DIP2C: variants seen among roughly 807,000 people sequenced by gnomAD.
DIP2C encodes the protein DIP2 acetate--CoA ligase C (putative), also known as disco-interacting protein 2 homolog C.
A neutral mutation model predicts 192.4 loss-of-function variants in DIP2C; 33 were observed. The observed-to-expected ratio is 0.17, with a 90% CI of 0.13 to 0.23. The LOEUF is 0.23. Ranked by LOEUF, DIP2C falls within the 10% of genes least tolerant of loss-of-function variation. The probability of loss-of-function intolerance (pLI) is 1.00; values close to 1 mark genes in which losing one functional copy is unlikely to be tolerated. For missense variants in DIP2C, 1,537 were observed against 2,110.1 expected (o/e 0.73, Z 5.32); for synonymous variants, 979 against 864.1 (o/e 1.13, Z -2.33).
chr10:602,900 T>G (rs1349775143), intron 1 of DIP2C, among the ~76,000 whole-genome samples: 2 of 152,088 alleles, frequency 1.3e-5, no homozygotes, highest in South Asian at 2.1e-4. Flanking sequence ...TCGTCTAAGC[T>G]TCAGTCTCCC....
At chr10:609,851 G>A (rs1487589082) in intron 1 of DIP2C, among the ~76,000 whole-genome samples, 1 of 152,090 alleles carries the variant, frequency 6.6e-6, no homozygotes, top group Non-Finnish European at 1.5e-5. Flanking sequence ...AGTGCAGCCG[G>A]GTACCAATTA....
At chr10:604,015 ACCCCAC>A (rs1852288677) in intron 1 of DIP2C, among the ~76,000 whole-genome samples, 1 of 66,010 alleles carries the variant, frequency 1.5e-5, no homozygotes, top group South Asian at 5.9e-4. Flanking sequence ...CCACAACACC[ACCCCAC>A]CCCCCAGCCC....
intron 1 of DIP2C, among the ~76,000 whole-genome samples, chr10:603,513 G>T (rs1171669563): frequency 6.6e-6 from 1 of 152,042 alleles, no homozygotes; most frequent in South Asian, 2.1e-4. Context: ...AAGTATATCA[G>T]GTATACCTGG....
chr10:457,116 T>C (rs1449851803), intron 3 of DIP2C, among the ~76,000 whole-genome samples: 2 of 152,090 alleles, frequency 1.3e-5, no homozygotes, highest in Non-Finnish European at 2.9e-5. Flanking sequence ...CTAGGAGGAG[T>C]TGCTTATTTT....
intron 30 of DIP2C, 40 bp from the exon 31 acceptor site, chr10:327,216 G>A (rs1327506979): frequency 9.4e-6 from 15 of 1,593,720 alleles, no homozygotes; most frequent in Non-Finnish European, 1.3e-5. Flanking sequence ...GCCCCCACGT[G>A]TCGAGCTTGG....
rs896152535 is a variant in DIP2C at position 375,909 on chromosome 10, T to C, written c.1992-6276A>G. On this transcript the variant is annotated intron_variant, in intron 17 of 36. Transcript: ENST00000280886. ...CTTATACGGGCGATCTCCAATGTAG[T>C]ATTCCTCAGCTTAGCAACAACGGCA... 3.4e-4 allele frequency among the ~76,000 whole-genome samples: 51 copies of C among 152,104 alleles called. 1 individual carries two copies.
chr10:456,798 T>C (rs1397436279), intron 3 of DIP2C, among the ~76,000 whole-genome samples: 2 of 152,222 alleles, frequency 1.3e-5, no homozygotes, highest in African/African-American at 2.4e-5. Flanking sequence ...TTTCGTTCTT[T>C]GGTAAACTGC....
chr10:568,388 A>C (rs1389773064), intron 1 of DIP2C, among the ~76,000 whole-genome samples: 3 of 152,182 alleles, frequency 2.0e-5, no homozygotes, highest in African/African-American at 7.2e-5. Context: ...TCATAGACCC[A>C]AATGAGAGCA....
intron 6 of DIP2C, among the ~76,000 whole-genome samples, chr10:418,516 C>T (rs1965957745): frequency 6.6e-6 from 1 of 152,226 alleles, no homozygotes; most frequent in Admixed American, 6.5e-5. Flanking sequence ...GTGACACGAA[C>T]AGCCGCTGTA....
At chr10:282,879 C>A (rs563603403) in intron 35 of DIP2C, among the ~76,000 whole-genome samples, 1 of 152,386 alleles carries the variant, frequency 6.6e-6, no homozygotes, top group Admixed American at 6.5e-5. Flanking sequence ...CACGTTCCTG[C>A]AGCCACTGGG....
chr10:613,798 G>A (rs1853258050), intron 1 of DIP2C, among the ~76,000 whole-genome samples: 1 of 151,792 alleles, frequency 6.6e-6, no homozygotes, highest in African/African-American at 2.4e-5. Flanking sequence ...ATCTCAACAG[G>A]TCTTCCCTGT....
intron 1 of DIP2C, among the ~76,000 whole-genome samples, chr10:618,388 C>T (rs1029014300): frequency 1.3e-5 from 2 of 152,232 alleles, no homozygotes; most frequent in Non-Finnish European, 2.9e-5. Context: ...ATGGCCTCGT[C>T]CCAGGCCCCT....
chr10:422,731 G>T, intron 5 of DIP2C, 93 bp downstream of exon 5: 1 of 1,441,696 alleles, frequency 6.9e-7, no homozygotes, highest in Non-Finnish European at 9.4e-7. Flanking sequence ...TCTTTCCACC[G>T]AGGGATTCCG....
At chr10:533,233 G>T (rs1390396269) in intron 1 of DIP2C, among the ~76,000 whole-genome samples, 2 of 152,100 alleles carry the variant, frequency 1.3e-5, no homozygotes, top group Non-Finnish European at 2.9e-5. Flanking sequence ...AAGAAAGAAG[G>T]GTGGAAAACA....
rs373485647 is a variant in DIP2C, at chr10:633,449, G to A, written c.85+56045C>T. Among the ~76,000 whole-genome samples, 22 of 152,354 alleles carry A rather than the reference G, an allele frequency of 1.4e-4. No individual in the cohort carries two copies. The East Asian group carries it at 3.5e-3, about 24-fold the overall frequency. Reference sequence around the variant, plus strand: ...GCTGCAGAGCGGACGCGGGGAGTCCGAGGTGGTGCCGTAGAGTGGATGGGG... The same window carrying A: ...GCTGCAGAGCGGACGCGGGGAGTCCAAGGTGGTGCCGTAGAGTGGATGGGG... On this transcript the variant is annotated intron_variant, in intron 1 of 36. Coordinates refer to ENST00000280886, the MANE Select transcript of DIP2C (RefSeq NM_014974.3).
At chr10:674,797 G>GAGAA (rs1830811259) in intron 1 of DIP2C, among the ~76,000 whole-genome samples, 1 of 45,966 alleles carries the variant, frequency 2.2e-5, no homozygotes, top group Non-Finnish European at 4.6e-5. Flanking sequence ...TATAGAGAGA[G>GAGAA]AGAGAGAGAG....
At chr10:348,229 T>G (rs1245913591) in intron 26 of DIP2C, among the ~76,000 whole-genome samples, 2 of 152,220 alleles carry the variant, frequency 1.3e-5, no homozygotes, top group East Asian at 3.8e-4. Flanking sequence ...CTCCTCCAGC[T>G]GTAGACGAAG....
At position 408,648 on chromosome 10, in the gene DIP2C, C is replaced by T. The variant is rs79875938; in HGVS notation, c.1149+278G>A. On this transcript the variant is annotated intron_variant, in intron 9 of 36. Coordinates refer to ENST00000280886, the MANE Select transcript of DIP2C (RefSeq NM_014974.3). ...AGCACATAGGTAAAAAGGCTCTACA[C>T]ATAAATGCAAGAAAACCAGCTTCTA... Among the ~76,000 whole-genome samples, 914 of 152,330 alleles carry T rather than the reference C, an allele frequency of 6.0e-3. 3 individuals are homozygous for T. The highest frequency in any genetic ancestry group is 0.014 in the Middle Eastern group (4 of 294).
chr10:643,490 G>A (rs1439818632), intron 1 of DIP2C, among the ~76,000 whole-genome samples: 1 of 152,134 alleles, frequency 6.6e-6, no homozygotes, highest in African/African-American at 2.4e-5. Context: ...CTCCAGCCTG[G>A]GTGACAGAGT....
Sources: allele counts gnomAD v4.1 joint callset (sites outside exome capture counted in the v4.1 genomes callset), GRCh38; gene constraint gnomAD v4.1.1; transcripts MANE v1.5; gene names NCBI Gene and HGNC (gene_info 2026-07-23, HGNC 2026-07-21).